ADAT2: variants seen among roughly 807,000 people sequenced by gnomAD.
ADAT2 encodes adenosine deaminase tRNA specific 2.
A neutral mutation model predicts 25.9 loss-of-function variants in ADAT2; 26 were observed. The ratio of observed to expected loss-of-function variants is 1.00; its 90% CI spans 0.74 to 1.39. ADAT2 has a LOEUF of 1.39. Among genes scored for constraint, ADAT2 ranks in the 40% most tolerant of loss-of-function variants. The probability of loss-of-function intolerance (pLI) is 0.00; values close to 1 mark genes in which losing one functional copy is unlikely to be tolerated. For synonymous variants in ADAT2, 76 were observed against 86.8 expected, an observed-to-expected ratio of 0.88 and a Z score of 0.69; for missense variants, 220 against 244.8, an observed-to-expected ratio of 0.90 and a Z score of 0.68.
intron 2 of ADAT2, 45 bp downstream of exon 2, chr6:143,438,545 C>T (rs770768699): frequency 1.4e-6 from 2 of 1,451,708 alleles, no homozygotes; most frequent in Non-Finnish European, 9.7e-7. Flanking sequence ...TCCAGTCCAC[C>T]CATCACTACT....
intron 1 of ADAT2, among the ~76,000 whole-genome samples, chr6:143,439,972 G>T (rs1779410785): frequency 6.6e-6 from 1 of 152,014 alleles, no homozygotes. Flanking sequence ...TTTTCTTCTT[G>T]TCCCATGATA....
chr6:143,447,683 A>G (rs113102543), intron 1 of ADAT2, among the ~76,000 whole-genome samples: 13 of 146,496 alleles, frequency 8.9e-5, no homozygotes, highest in Non-Finnish European at 1.7e-4. Context: ...TCACTTTGGG[A>G]AAAAAAAAAA....
At position 143,450,646 on chromosome 6, in the gene ADAT2, C is replaced by T; in HGVS notation, c.13G>A (p.Ala5Thr). Residue 5 changes from alanine to threonine, a missense_variant, in exon 1 of 6, where the codon GCG (alanine) becomes ACG (threonine). Ala to Thr is a moderately conservative substitution (Grantham distance 58). Transcript: ENST00000237283. MEAK[A>T]APKPAASGAC... Reference sequence around the variant, plus strand: ...CCGCTTGCAGCTGGCTTGGGTGCCGCCTTCGCCTCCATACCCAGCCACCAC... The same window carrying T: ...CCGCTTGCAGCTGGCTTGGGTGCCGTCTTCGCCTCCATACCCAGCCACCAC... 6.2e-7 allele frequency: 1 copy of T among 1,613,620 alleles called. No homozygotes were observed. Among genetic ancestry groups the T allele is most frequent in the East Asian group, 2.2e-5 (1 of 44,866 alleles).
At position 143,427,053 on chromosome 6, in the gene ADAT2, T is replaced by A. The variant is rs1220617678; in HGVS notation, c.*1410A>T. The stretch of plus-strand genomic sequence containing the variant: ...GGTGCATGTAACATTATCACAGATT[T>A]AAAATCATGCATATTCTCCATAAAA... On this transcript the variant is annotated 3_prime_UTR_variant, in exon 6 of 6. Coordinates refer to ENST00000237283, the MANE Select transcript of ADAT2 (RefSeq NM_182503.3). 1 of 148,978 alleles carries A rather than the reference T, an allele frequency of 6.7e-6. No homozygotes were observed. Among genetic ancestry groups the A allele is most frequent in the African/African-American group, 2.4e-5 (1 of 40,822 alleles). The allele number at this position is 148,978 out of a possible 1,614,324, so 9.2% of individuals were successfully genotyped here. A position where few individuals can be genotyped will look rare whatever the true frequency, so the allele number is the denominator to read the frequency against.
At position 143,446,180 on chromosome 6, in the gene ADAT2, C is replaced by T. The variant is rs1779594778; in HGVS notation, c.96+4383G>A. ...TCTGTTTTTTCCTATGCCCTGCATA[C>T]ACATATTTACAGTTTTTAAAAAGTC... On this transcript the variant is annotated intron_variant, in intron 1 of 5. Coordinates refer to ENST00000237283, the MANE Select transcript of ADAT2 (RefSeq NM_182503.3). The surrounding 1 kb of genome is among the most constrained non-coding windows in gnomAD (Gnocchi z 5.0). 6.6e-6 allele frequency among the ~76,000 whole-genome samples: 1 copy of T among 151,682 alleles called. No individual in the cohort carries two copies. Among genetic ancestry groups the T allele is most frequent in the African/African-American group, 2.4e-5 (1 of 41,288 alleles).
In ADAT2 at chr6:143,444,899, T is replaced by C. The variant is rs1779558123; in HGVS notation, c.96+5664A>G. 3 of 1,290,540 alleles carry C rather than the reference T, an allele frequency of 2.3e-6. No individual in the cohort carries two copies. Among genetic ancestry groups the C allele is most frequent in the Admixed American group, 4.7e-5 (2 of 42,722 alleles). The allele number at this position is 1,290,540 out of a possible 1,614,324, so 79.9% of individuals were successfully genotyped here. A position where few individuals can be genotyped will look rare whatever the true frequency, so the allele number is the denominator to read the frequency against. On this transcript the variant is annotated intron_variant, in intron 1 of 5. Coordinates refer to ENST00000237283, the MANE Select transcript of ADAT2 (RefSeq NM_182503.3). This position sits in a 1 kb window ranked among gnomAD's most constrained non-coding sequence, Gnocchi z 4.3. ...TATAAACTGCTTTCTAGTGATGTCA[T>C]GATAAAAGGGGGAGAGATGGAAACA... is the stretch of plus-strand genomic sequence containing the variant.
chr6:143,436,995 T>C lies in ADAT2; in HGVS notation c.201+1595A>G, dbSNP rs1264628259. Among the ~76,000 whole-genome samples the C allele has an allele frequency of 6.6e-6, 1 of 152,222 alleles. No individual in the cohort carries two copies. The highest frequency in any genetic ancestry group is 1.5e-5 in the Non-Finnish European group (1 of 68,036). Reference sequence around the variant, plus strand: ...GGACAAAGAATTTTGTGAAATACTATATTTTTATTTAAGTGTCTTTTTTCT... The same window carrying C: ...GGACAAAGAATTTTGTGAAATACTACATTTTTATTTAAGTGTCTTTTTTCT... On this transcript the variant is annotated intron_variant, in intron 2 of 5. Transcript: ENST00000237283. The surrounding 1 kb of genome is among the most constrained non-coding windows in gnomAD (Gnocchi z 4.1).
At chr6:143,431,414 G>A (rs905760253) in intron 4 of ADAT2, among the ~76,000 whole-genome samples, 1 of 152,198 alleles carries the variant, frequency 6.6e-6, no homozygotes, top group Non-Finnish European at 1.5e-5. Flanking sequence ...TATGGAGTCA[G>A]CAATTCATTT....
chr6:143,428,762 T>C lies in ADAT2; in HGVS notation c.460-78A>G. 3 of 1,296,038 alleles carry C rather than the reference T, an allele frequency of 2.3e-6. No homozygotes were observed. The highest frequency in any genetic ancestry group is 3.3e-6 in the Non-Finnish European group (3 of 918,708). 80.3% of individuals were successfully genotyped at this position (1,296,038 alleles called of 1,614,324 possible). ...GTATCCCATAAAAACAACATATATA[T>C]ACATGATTATGTAAACAGATTTCAG... On this transcript the variant is annotated intron_variant, in intron 4 of 5. Coordinates refer to ENST00000237283, the MANE Select transcript of ADAT2 (RefSeq NM_182503.3). This position sits in a 1 kb window ranked among gnomAD's most constrained non-coding sequence, Gnocchi z 5.0.
rs753585747 is a variant in ADAT2 at position 143,432,630 on chromosome 6, C to T, written c.353-19G>A. The stretch of plus-strand genomic sequence containing the variant: ...GGGATTTATAAGACAGAATTAAGGT[C>T]CTGCATAGAATGTACATTTCAAGTA... On this transcript the variant is annotated intron_variant, in intron 3 of 5. Coordinates refer to ENST00000237283, the MANE Select transcript of ADAT2 (RefSeq NM_182503.3). This position sits in a 1 kb window ranked among gnomAD's most constrained non-coding sequence, Gnocchi z 4.4. The T allele has an allele frequency of 6.2e-7, 1 of 1,608,364 alleles. No homozygotes were observed. Among genetic ancestry groups the T allele is most frequent in the Admixed American group, 1.7e-5 (1 of 60,016 alleles).
intron 1 of ADAT2, among the ~76,000 whole-genome samples, chr6:143,448,263 G>C (rs1443706377): frequency 6.6e-6 from 1 of 152,028 alleles, no homozygotes; most frequent in African/African-American, 2.4e-5. Flanking sequence ...GGGTTGGGGG[G>C]AGAGGGGAGG....
In ADAT2 at chr6:143,425,048, A is replaced by T. The variant is rs1212250062; in HGVS notation, c.*3415T>A. 5 of 152,184 alleles carry T rather than the reference A, an allele frequency of 3.3e-5. No individual in the cohort carries two copies. Among genetic ancestry groups the T allele is most frequent in the African/African-American group, 4.8e-5 (2 of 41,444 alleles). The allele number at this position is 152,184 out of a possible 1,614,324, so 9.4% of individuals were successfully genotyped here. On this transcript the variant is annotated 3_prime_UTR_variant, in exon 6 of 6. Coordinates refer to ENST00000237283, the MANE Select transcript of ADAT2 (RefSeq NM_182503.3). ...GATATCCTGTGAGGAACTTAACATC[A>T]ACCAGCACCTGAATCTAATCACAAG...
rs1240463660 is a variant in ADAT2 at position 143,425,792 on chromosome 6, A to G, written c.*2671T>C. ...GTGTGTGTGTGTATTTTATATATAT[A>G]TACTTTTCCCAGTAAAAAGTTTAAA... is the stretch of plus-strand genomic sequence containing the variant. On this transcript the variant is annotated 3_prime_UTR_variant, in exon 6 of 6. Transcript: ENST00000237283. The G allele has an allele frequency of 8.2e-6, 1 of 121,374 alleles. No homozygotes were observed. Among genetic ancestry groups the G allele is most frequent in the Admixed American group, 8.7e-5 (1 of 11,432 alleles). 7.5% of individuals were successfully genotyped at this position (121,374 alleles called of 1,614,324 possible). A position where few individuals can be genotyped will look rare whatever the true frequency, so the allele number is the denominator to read the frequency against.
At chr6:143,433,103 T>C (rs1779164572) in intron 3 of ADAT2, among the ~76,000 whole-genome samples, 1 of 152,206 alleles carries the variant, frequency 6.6e-6, no homozygotes, top group African/African-American at 2.4e-5. Context: ...AACCCTTTTA[T>C]AGAGACTGTA....
At chr6:143,439,328 GA>G (rs1452845373) in intron 1 of ADAT2, among the ~76,000 whole-genome samples, 4 of 109,196 alleles carry the variant, frequency 3.7e-5, no homozygotes, top group African/African-American at 1.5e-4. Context: ...GTATTTAAAA[GA>G]AGGGAATATG....
In ADAT2 at chr6:143,442,476, TAC is replaced by T. The variant is rs35133336; in HGVS notation, c.97-3784_97-3783del. ...CATGACAAAATTGCATAGGCACGCA[TAC>T]ACACACACACACACACACACACACA... On this transcript the variant is annotated intron_variant, in intron 1 of 5. Transcript: ENST00000237283. The surrounding 1 kb of genome is among the most constrained non-coding windows in gnomAD (Gnocchi z 4.6). 0.045 allele frequency among the ~76,000 whole-genome samples: 6,388 copies of T among 142,052 alleles called. 154 individuals carry two copies. Among genetic ancestry groups the T allele is most frequent in the African/African-American group, 0.055 (2,092 of 38,224 alleles). The allele number at this position is 142,052 out of a possible 152,430, so 93.2% of individuals were successfully genotyped here. A position where few individuals can be genotyped will look rare whatever the true frequency, so the allele number is the denominator to read the frequency against.
At position 143,432,434 on chromosome 6, in the gene ADAT2, A is replaced by T; in HGVS notation, c.459+71T>A. On this transcript the variant is annotated intron_variant, in intron 4 of 5. Coordinates refer to ENST00000237283, the MANE Select transcript of ADAT2 (RefSeq NM_182503.3). The surrounding 1 kb of genome is among the most constrained non-coding windows in gnomAD (Gnocchi z 4.4). ...TTTCTTCGTATACTGGCCACACACT[A>T]GTTATTCACAAGCCCATAAAGAGAT... 2 of 1,348,702 alleles carry T rather than the reference A, an allele frequency of 1.5e-6. No individual in the cohort carries two copies. Among genetic ancestry groups the T allele is most frequent in the Non-Finnish European group, 2.1e-6 (2 of 943,462 alleles). The allele number at this position is 1,348,702 out of a possible 1,614,324, so 83.5% of individuals were successfully genotyped here.
At chr6:143,443,170 A>C (rs753676832) in intron 1 of ADAT2, among the ~76,000 whole-genome samples, 2 of 151,926 alleles carry the variant, frequency 1.3e-5, no homozygotes, top group African/African-American at 4.8e-5. Context: ...ATACATGTAT[A>C]TATCTCTCAC....
chr6:143,443,493 T>C (rs1171964853), intron 1 of ADAT2, among the ~76,000 whole-genome samples: 1 of 152,114 alleles, frequency 6.6e-6, no homozygotes, highest in Non-Finnish European at 1.5e-5. Context: ...ATCATGCCAC[T>C]ACACTCCAGC....
Sources: allele counts gnomAD v4.1 joint callset (sites outside exome capture counted in the v4.1 genomes callset), GRCh38; gene constraint gnomAD v4.1.1; non-coding constraint Gnocchi (gnomAD v3.1); transcripts MANE v1.5; gene names NCBI Gene and HGNC (gene_info 2026-07-23, HGNC 2026-07-21).